RIMKLB: variants seen among roughly 807,000 people sequenced by gnomAD.
RIMKLB encodes ribosomal modification protein rimK like family member B, also known as beta-citrylglutamate synthase B.
In RIMKLB, 7 loss-of-function variants were observed where a neutral mutation model predicts 32.0. The observed-to-expected ratio is 0.22, with a 90% CI of 0.12 to 0.41. The LOEUF is 0.41. Ranked by LOEUF, RIMKLB falls within the 10% of genes least tolerant of loss-of-function variation. The probability of loss-of-function intolerance (pLI) is 1.00; values close to 1 mark genes in which losing one functional copy is unlikely to be tolerated. For missense variants in RIMKLB, 289 were observed against 498.7 expected, an observed-to-expected ratio of 0.58 and a Z score of 4.00; for synonymous variants, 172 against 185.1, an observed-to-expected ratio of 0.93 and a Z score of 0.57.
intron 2 of RIMKLB, among the ~76,000 whole-genome samples, chr12:8,716,776 A>G (rs191382513): frequency 9.3e-4 from 115 of 123,968 alleles, no homozygotes; most frequent in Non-Finnish European, 1.6e-3. Context: ...TCGCTCTGTC[A>G]CCTTGGCTGG....
intron 2 of RIMKLB, among the ~76,000 whole-genome samples, chr12:8,722,647 A>G (rs1206644932): frequency 6.6e-6 from 1 of 152,256 alleles, no homozygotes; most frequent in Non-Finnish European, 1.5e-5. Flanking sequence ...GCTGCTATCA[A>G]AGTCCTAGAG....
chr12:8,716,557 A>ATT (rs773708083), intron 2 of RIMKLB, among the ~76,000 whole-genome samples: 17 of 95,884 alleles, frequency 1.8e-4, no homozygotes, highest in African/African-American at 4.8e-4. Flanking sequence ...TCATGGCTTC[A>ATT]TTTTTTTTTT....
At chr12:8,702,569 A>G (rs1191112533) in intron 1 of RIMKLB, among the ~76,000 whole-genome samples, 1 of 152,232 alleles carries the variant, frequency 6.6e-6, no homozygotes, top group Non-Finnish European at 1.5e-5. Context: ...AAAGTGGAAT[A>G]TAGAATTGCT....
downstream of RIMKLB, among the ~76,000 whole-genome samples, chr12:8,777,999 C>A (rs1163216761): frequency 6.6e-6 from 1 of 152,158 alleles, no homozygotes; most frequent in African/African-American, 2.4e-5. Flanking sequence ...TTATGATATA[C>A]TCAAGACTTG....
At chr12:8,748,915 G>C (rs895843491) in intron 2 of RIMKLB, among the ~76,000 whole-genome samples, 1 of 151,914 alleles carries the variant, frequency 6.6e-6, no homozygotes, top group South Asian at 2.1e-4. Context: ...CTCCAGCCTG[G>C]GTGACAGTGA....
intron 5 of RIMKLB, among the ~76,000 whole-genome samples, chr12:8,759,468 C>G (rs1189225789): frequency 6.6e-6 from 1 of 152,124 alleles, no homozygotes; most frequent in Non-Finnish European, 1.5e-5. Context: ...TTTTTCCAAT[C>G]AGATGAGAAT....
chr12:8,684,377 T>C (rs761443639), intron 1 of RIMKLB, among the ~76,000 whole-genome samples: 56 of 152,256 alleles, frequency 3.7e-4, no homozygotes, highest in Middle Eastern at 3.4e-3. Context: ...TTCACTATGT[T>C]GGCCAGGGTG....
rs149775390 is a variant in RIMKLB at position 8,686,101 on chromosome 12, C to T, written n.219+4283C>T. ...GATTACAGGCATGAGCCACCGCGCCCGGACTAATTTTTGTGTTTTTAGTAG... is the reference window on the plus strand; with the variant it reads ...GATTACAGGCATGAGCCACCGCGCCTGGACTAATTTTTGTGTTTTTAGTAG... On this transcript the variant is annotated intron_variant and non_coding_transcript_variant, in intron 1 of 1. Coordinates refer to the RIMKLB transcript ENST00000538758. Among the ~76,000 whole-genome samples the T allele has an allele frequency of 4.3e-3, 660 of 152,216 alleles. 4 individuals are homozygous for T. The highest frequency in any genetic ancestry group is 0.015 in the African/African-American group (624 of 41,530).
upstream of RIMKLB, among the ~76,000 whole-genome samples, chr12:8,694,187 CT>C (rs1677591303): frequency 6.6e-6 from 1 of 151,968 alleles, no homozygotes; most frequent in African/African-American, 2.4e-5. Context: ...GAGCCAAGAT[CT>C]CACCACTGCA....
rs1555168478 is a variant in RIMKLB at position 8,748,556 on chromosome 12, G to GTGTGTGTGCA, written c.176-1304_176-1303insTGTGTGCATG. ...TGTGTGTGTGTGTGTGTGTGTGTGT[G>GTGTGTGTGCA]TGCATATATATATATACACAAAATT... On this transcript the variant is annotated intron_variant, in intron 2 of 5. Transcript: ENST00000535829. Among the ~76,000 whole-genome samples the GTGTGTGTGCA allele has an allele frequency of 6.5e-5, 7 of 107,918 alleles. 1 individual carries two copies. The highest frequency in any genetic ancestry group is 2.1e-4 in the African/African-American group (7 of 33,476). 70.8% of individuals were successfully genotyped at this position (107,918 alleles called of 152,430 possible).
In RIMKLB at chr12:8,775,040, T is replaced by C. The variant is rs1402486026; in HGVS notation, c.*1256T>C. On this transcript the variant is annotated 3_prime_UTR_variant, in exon 6 of 6. Transcript: ENST00000535829. ...AGTAGACTCCACTGGGGTAGAGGTA[T>C]TCACCTTAAAACATAGGGTGAGTAG... is the stretch of plus-strand genomic sequence containing the variant. 1.7e-5 allele frequency: 17 copies of C among 985,686 alleles called. No homozygotes were observed. Among genetic ancestry groups the C allele is most frequent in the Non-Finnish European group, 2.0e-5 (17 of 829,882 alleles). 61.1% of individuals were successfully genotyped at this position (985,686 alleles called of 1,614,324 possible).
In RIMKLB at chr12:8,774,705, A is replaced by C; in HGVS notation, c.*921A>C. On this transcript the variant is annotated 3_prime_UTR_variant, in exon 6 of 6. Coordinates refer to ENST00000535829, the MANE Select transcript of RIMKLB (RefSeq NM_001297776.2). ...ACTGACTTGAAACATGTACATTTAA[A>C]GCCTTTTATTTTTTCCCTTTTTGTT... is the stretch of plus-strand genomic sequence containing the variant. The C allele has an allele frequency of 1.0e-6, 1 of 985,752 alleles. No individual in the cohort carries two copies. The highest frequency in any genetic ancestry group is 1.2e-6 in the Non-Finnish European group (1 of 829,898). The allele number at this position is 985,752 out of a possible 1,614,324, so 61.1% of individuals were successfully genotyped here. A position where few individuals can be genotyped will look rare whatever the true frequency, so the allele number is the denominator to read the frequency against.
chr12:8,707,711 A>G (rs991306708), intron 1 of RIMKLB, among the ~76,000 whole-genome samples: 3 of 152,206 alleles, frequency 2.0e-5, no homozygotes, highest in Admixed American at 6.5e-5. Flanking sequence ...GCTGCCAGCC[A>G]TCAGTCAATT....
chr12:8,727,072 A>G (rs919505281), intron 2 of RIMKLB, among the ~76,000 whole-genome samples: 7 of 152,166 alleles, frequency 4.6e-5, no homozygotes, highest in Admixed American at 2.0e-4. Flanking sequence ...AAATATTGCT[A>G]ATTCCTCCCA....
chr12:8,693,037 C>G (rs776551068), upstream of RIMKLB, among the ~76,000 whole-genome samples: 3 of 152,340 alleles, frequency 2.0e-5, no homozygotes, highest in Admixed American at 2.0e-4. Flanking sequence ...CTCTTTACTA[C>G]TTCGAGGCCT....
chr12:8,759,388 C>T (rs1473203456), intron 5 of RIMKLB, among the ~76,000 whole-genome samples: 1 of 152,128 alleles, frequency 6.6e-6, no homozygotes, highest in African/African-American at 2.4e-5. Flanking sequence ...GAGCAAGACT[C>T]CGTCTCTAAA....
intron 5 of RIMKLB, among the ~76,000 whole-genome samples, chr12:8,760,652 G>C (rs1237518193): frequency 6.9e-6 from 1 of 144,872 alleles, no homozygotes; most frequent in East Asian, 2.0e-4. Context: ...GGTGTGAGAT[G>C]GTATCTTATT....
chr12:8,737,444 C>A (rs1157003187), intron 2 of RIMKLB, among the ~76,000 whole-genome samples: 2 of 152,078 alleles, frequency 1.3e-5, no homozygotes, highest in East Asian at 3.9e-4. Context: ...GGCATATACC[C>A]ATTTTTCTCA....
rs780163367 is a variant in RIMKLB, at chr12:8,767,072, G to A, written c.698-6249G>A. Among the ~76,000 whole-genome samples the A allele has an allele frequency of 2.6e-5, 4 of 152,346 alleles. No homozygotes were observed. The East Asian group carries it at 5.8e-4, about 22-fold the overall frequency. On this transcript the variant is annotated intron_variant, in intron 5 of 5. Transcript: ENST00000535829. ...AGTGGTCTCAGTGTTTTCGGGCTAC[G>A]CCCTTGTTTACCCTGACAACAAGGT...
Sources: gnomAD v4.1 joint callset for allele counts (sites outside exome capture counted in the v4.1 genomes callset) on GRCh38, gnomAD v4.1.1 for gene constraint, MANE v1.5 for transcripts, NCBI Gene and HGNC (gene_info 2026-07-23, HGNC 2026-07-21) for gene names.